The following PHTF2 variants were observed in gnomAD, a reference collection of about 807,000 sequenced individuals.
PHTF2 encodes putative homeodomain transcription factor 2.
A neutral mutation model predicts 101.2 loss-of-function variants in PHTF2; 60 were observed. The observed-to-expected ratio is 0.59, with a 90% CI of 0.48 to 0.73. PHTF2 has a LOEUF of 0.73. PHTF2 is among the 30% of genes least tolerant of loss of function. The probability of loss-of-function intolerance (pLI) is 0.00; values close to 1 mark genes in which losing one functional copy is unlikely to be tolerated. For missense variants in PHTF2, 747 were observed against 908.7 expected, an observed-to-expected ratio of 0.82 and a Z score of 2.29; for synonymous variants, 311 against 307.3, an observed-to-expected ratio of 1.01 and a Z score of -0.13.
chr7:77,865,140 C>T (rs1373499944), intron 3 of PHTF2, among the ~76,000 whole-genome samples: 3 of 152,074 alleles, frequency 2.0e-5, no homozygotes, highest in African/African-American at 7.2e-5. Flanking sequence ...TCCTCTTTTA[C>T]CATCCTAGAT....
At chr7:77,944,522 T>C (rs1306174156) in intron 16 of PHTF2, among the ~76,000 whole-genome samples, 1 of 152,204 alleles carries the variant, frequency 6.6e-6, no homozygotes, top group African/African-American at 2.4e-5. Context: ...AAAGTTAATA[T>C]AAAAAGTGGT....
At chr7:77,814,497 A>G (rs896601852) in intron 1 of PHTF2, among the ~76,000 whole-genome samples, 2 of 151,022 alleles carry the variant, frequency 1.3e-5, no homozygotes, top group African/African-American at 4.9e-5. Flanking sequence ...GCACTTCAGC[A>G]CTACACTTGG....
intron 1 of PHTF2, among the ~76,000 whole-genome samples, chr7:77,828,316 T>A (rs1158972006): frequency 6.6e-6 from 1 of 152,206 alleles, no homozygotes; most frequent in Non-Finnish European, 1.5e-5. Flanking sequence ...GACCTTTAAG[T>A]ACTTAACAAA....
chr7:77,942,331 G>T (rs933734588), intron 15 of PHTF2, among the ~76,000 whole-genome samples: 3 of 152,184 alleles, frequency 2.0e-5, no homozygotes, highest in African/African-American at 7.2e-5. Context: ...TCCTGTGAAG[G>T]TAGAGGGACC....
At chr7:77,943,780 G>A (rs979251700) in intron 16 of PHTF2, among the ~76,000 whole-genome samples, 5 of 152,088 alleles carry the variant, frequency 3.3e-5, no homozygotes, top group African/African-American at 1.2e-4. Flanking sequence ...CCCTTTGGGA[G>A]GCCAAGGAGT....
intron 11 of PHTF2, among the ~76,000 whole-genome samples, chr7:77,925,494 GGTTTTTTTTTTTT>G (rs1245153744): frequency 1.1e-4 from 11 of 98,924 alleles, no homozygotes; most frequent in Admixed American, 6.2e-4. Flanking sequence ...TAGTTTTTAG[GGTTTTTTTTTTTT>G]TTTTTTTTTT....
At chr7:77,844,803 G>C (rs1796148465) in intron 2 of PHTF2, among the ~76,000 whole-genome samples, 1 of 152,206 alleles carries the variant, frequency 6.6e-6, no homozygotes, top group South Asian at 2.1e-4. Flanking sequence ...GGGATTACAG[G>C]CATGAGCCAT....
chr7:77,867,541 A>G (rs1044279244), intron 3 of PHTF2, among the ~76,000 whole-genome samples: 9 of 152,226 alleles, frequency 5.9e-5, no homozygotes, highest in Non-Finnish European at 1.3e-4. Flanking sequence ...ATAAATGCTG[A>G]CTACTTATTA....
chr7:77,901,817 G>A (rs771557474), exon 7 of PHTF2: 8 of 1,579,942 alleles, frequency 5.1e-6, no homozygotes, highest in Middle Eastern at 1.7e-4. Context: ...TGACCAGAAA[G>A]GGAATTGTTC....
chr7:77,909,065 T>C, intron 8 of PHTF2, 107 bp downstream of exon 7: 2 of 632,992 alleles, frequency 3.2e-6, no homozygotes, highest in Non-Finnish European at 4.9e-6. Context: ...CTTGTAAGGT[T>C]GCTGTTTCAA....
At position 77,852,042 on chromosome 7, in the gene PHTF2, G is replaced by A. The variant is rs141719290; in HGVS notation, c.46-2691G>A. Among the ~76,000 whole-genome samples, 485 of 152,176 alleles carry A rather than the reference G, an allele frequency of 3.2e-3. 4 individuals are homozygous for A. The highest frequency in any genetic ancestry group is 0.01 in the African/African-American group (420 of 41,522). ...TTTCCAAAGGTTTTTTTGTGTGTGTGTGTGAGATAGCCTTGCTTTGTTGCC... is the reference window on the plus strand; with the variant it reads ...TTTCCAAAGGTTTTTTTGTGTGTGTATGTGAGATAGCCTTGCTTTGTTGCC... On this transcript the variant is annotated intron_variant, in intron 2 of 19. Transcript: ENST00000416283.
chr7:77,901,324 T>G (rs12540023), intron 6 of PHTF2, among the ~76,000 whole-genome samples: 3,347 of 152,238 alleles, frequency 0.022, 52 homozygotes, highest in Middle Eastern at 0.068. Context: ...AAGAATAGTA[T>G]TAAAAAGAGA....
At chr7:77,931,092 G>A (rs1584747764) in intron 12 of PHTF2, among the ~76,000 whole-genome samples, 1 of 152,160 alleles carries the variant, frequency 6.6e-6, no homozygotes, top group East Asian at 1.9e-4. Context: ...CTATATGGTT[G>A]TGAGTCAAAT....
intron 5 of PHTF2, chr7:77,895,294 C>A: frequency 3.0e-6 from 1 of 331,874 alleles, no homozygotes. Context: ...AATAAAAGGA[C>A]TGAGAACAGA....
exon 15 of PHTF2, chr7:77,940,624 A>T: frequency 6.2e-7 from 1 of 1,607,220 alleles, no homozygotes; most frequent in African/African-American, 1.3e-5. Context: ...AGTACAGAAT[A>T]TAAAAATGTG....
chr7:77,850,205 A>AC (rs2150617814), intron 2 of PHTF2, among the ~76,000 whole-genome samples: 1 of 150,806 alleles, frequency 6.6e-6, no homozygotes, highest in African/African-American at 2.4e-5. Context: ...AAAAAAAAAA[A>AC]AAAAAAATCC....
intron 3 of PHTF2, among the ~76,000 whole-genome samples, chr7:77,880,933 C>G (rs1562907261): frequency 6.6e-6 from 1 of 152,158 alleles, no homozygotes; most frequent in Non-Finnish European, 1.5e-5. Flanking sequence ...AGGAAAAATA[C>G]AAACATAACC....
chr7:77,822,102 A>C (rs1779828436), intron 1 of PHTF2, among the ~76,000 whole-genome samples: 2 of 152,174 alleles, frequency 1.3e-5, no homozygotes, highest in Admixed American at 6.5e-5. Context: ...TGGAGGGCAT[A>C]TAGCAGTTTT....
At chr7:77,894,598 C>T (rs1325345610) in intron 5 of PHTF2, among the ~76,000 whole-genome samples, 1 of 152,006 alleles carries the variant, frequency 6.6e-6, no homozygotes, top group African/African-American at 2.4e-5. Context: ...TTGTGGTATG[C>T]GTTAAATATA....
Sources: allele counts gnomAD v4.1 joint callset (sites outside exome capture counted in the v4.1 genomes callset), GRCh38; gene constraint gnomAD v4.1.1; transcripts MANE v1.5; gene names NCBI Gene and HGNC (gene_info 2026-07-23, HGNC 2026-07-21).